Variants in ANKRD30A observed in about 807,000 individuals in gnomAD.
ANKRD30A encodes the protein ankyrin repeat domain 30A.
ANKRD30A carries 170 observed loss-of-function variants against 166.3 expected under a neutral mutation model. The observed-to-expected ratio is 1.02, with a 90% CI of 0.90 to 1.16. ANKRD30A has a LOEUF of 1.16. Ranked by LOEUF, ANKRD30A falls within the 50% of genes most tolerant of loss-of-function variation. The pLI is 0.00. For missense variants in ANKRD30A, 1,630 were observed against 1,518.0 expected (o/e 1.07, Z -1.23); for synonymous variants, 564 against 508.9 (o/e 1.11, Z -1.46).
At chr10:37,166,352 A>T (rs1206615282) in intron 18 of ANKRD30A, among the ~76,000 whole-genome samples, 1 of 152,166 alleles carries the variant, frequency 6.6e-6, no homozygotes, top group African/African-American at 2.4e-5. Flanking sequence ...TTTTTTTGTG[A>T]AGGTGATTTG....
chr10:37,126,079 CG>C, intron 1 of ANKRD30A, 71 bp downstream of exon 1: 1 of 1,472,080 alleles, frequency 6.8e-7, no homozygotes, highest in Non-Finnish European at 9.4e-7. Flanking sequence ...CCTTCAGAGT[CG>C]GGGGCTGGGG....
At chr10:37,132,813 C>T (rs184659160) in intron 4 of ANKRD30A, among the ~76,000 whole-genome samples, 1 of 152,096 alleles carries the variant, frequency 6.6e-6, no homozygotes, top group Non-Finnish European at 1.5e-5. Flanking sequence ...GCCTAACCAA[C>T]ATGGTGAAAC....
At chr10:37,154,275 C>T (rs190042007) in intron 13 of ANKRD30A, among the ~76,000 whole-genome samples, 126 of 152,228 alleles carry the variant, frequency 8.3e-4, no homozygotes, top group Non-Finnish European at 2.1e-4. Flanking sequence ...TCCGTATAGA[C>T]CAGAAGTTTT....
Position 37,184,060 on chromosome 10 carries a change from C to T in ANKRD30A, c.2422-5407C>T, listed in dbSNP as rs1257394390. 5.9e-5 allele frequency among the ~76,000 whole-genome samples: 9 copies of T among 151,634 alleles called. No homozygotes were observed. In the East Asian group the frequency reaches 1.5e-3, roughly 26 times the overall value. On this transcript the variant is annotated intron_variant, in intron 24 of 35. Coordinates refer to ENST00000361713, the MANE Select transcript of ANKRD30A (RefSeq NM_052997.3). The stretch of plus-strand genomic sequence containing the variant: ...CTCAGGCGATGCTGCTGCTGGTGGT[C>T]CTTGGAGCTTGGTCTGAGTAGCAAA...
chr10:37,234,926 T>A (rs1267899023), downstream of ANKRD30A, among the ~76,000 whole-genome samples: 1 of 152,182 alleles, frequency 6.6e-6, no homozygotes, highest in Non-Finnish European at 1.5e-5. Flanking sequence ...CATTGTGTCA[T>A]ATCAGAATGT....
At chr10:37,224,330 C>T (rs561625853) in intron 34 of ANKRD30A, among the ~76,000 whole-genome samples, 39 of 150,844 alleles carry the variant, frequency 2.6e-4, no homozygotes, top group African/African-American at 7.0e-4. Flanking sequence ...TCTTGATTAA[C>T]GTTTCTTTTA....
chr10:37,201,575 TAAG>T (rs1841630510), intron 31 of ANKRD30A, among the ~76,000 whole-genome samples: 1 of 151,434 alleles, frequency 6.6e-6, no homozygotes, highest in Admixed American at 6.6e-5. Context: ...AATGAGAAAA[TAAG>T]AAAGAAGAAA....
chr10:37,208,057 T>G (rs1388185453), intron 31 of ANKRD30A, among the ~76,000 whole-genome samples: 2 of 152,098 alleles, frequency 1.3e-5, no homozygotes, highest in Non-Finnish European at 2.9e-5. Flanking sequence ...GACAAGAGAC[T>G]GCTTTTTAGA....
chr10:37,203,329 A>G (rs1021685464), intron 31 of ANKRD30A, among the ~76,000 whole-genome samples: 1 of 152,246 alleles, frequency 6.6e-6, no homozygotes, highest in Non-Finnish European at 1.5e-5. Context: ...GGCTGGTTCA[A>G]GATATGCAAA....
At chr10:37,208,959 G>A (rs113681931) in intron 31 of ANKRD30A, among the ~76,000 whole-genome samples, 1 of 152,226 alleles carries the variant, frequency 6.6e-6, no homozygotes, top group Non-Finnish European at 1.5e-5. Flanking sequence ...TCTGGATAAT[G>A]TCATTTTTAG....
At chr10:37,257,149 C>T in the ANKRD30A span, among the ~76,000 whole-genome samples, 21 of 151,642 alleles carry the variant, frequency 1.4e-4, no homozygotes, top group Non-Finnish European at 2.5e-4. Flanking sequence ...AGGAATTTAT[C>T]CATTTCTTCT....
chr10:37,265,299 T>C, the ANKRD30A span, among the ~76,000 whole-genome samples: 1 of 152,196 alleles, frequency 6.6e-6, no homozygotes, highest in Non-Finnish European at 1.5e-5. Context: ...TTGTGGTCCA[T>C]GCCTCCTCAA....
Position 37,216,345 on chromosome 10 carries a change from CAGTT to C in ANKRD30A, c.3037_3040del (p.Leu1013ArgfsTer14), listed in dbSNP as rs766666183. The stretch of plus-strand genomic sequence containing the variant: ...GTCAGAAGCAAAAGAAATAAAATCA[CAGTT>C]AGAGAACCAAAAAGTTAAATGGGAA... On this transcript the variant is annotated frameshift_variant, in exon 32 of 36. Coordinates refer to ENST00000361713, the MANE Select transcript of ANKRD30A (RefSeq NM_052997.3). LOFTEE classifies it high-confidence loss of function. 8 of 1,607,684 alleles carry C rather than the reference CAGTT, an allele frequency of 5.0e-6. No homozygotes were observed. The highest frequency in any genetic ancestry group is 6.8e-6 in the Non-Finnish European group (8 of 1,176,188).
At chr10:37,243,134 A>ATTT in the ANKRD30A span, among the ~76,000 whole-genome samples, 3 of 136,768 alleles carry the variant, frequency 2.2e-5, no homozygotes, top group Non-Finnish European at 3.2e-5. Context: ...TAATTTCCAA[A>ATTT]TTTTTTTTTT....
At chr10:37,221,308 C>T (rs1031775468) in intron 34 of ANKRD30A, among the ~76,000 whole-genome samples, 4 of 151,128 alleles carry the variant, frequency 2.6e-5, no homozygotes, top group Non-Finnish European at 4.4e-5. Flanking sequence ...AAATCAATAA[C>T]AAACATGTCT....
At chr10:37,216,526 ATTCT>A in intron 32 of ANKRD30A, 132 bp downstream of exon 32, 2 of 773,408 alleles carry the variant, frequency 2.6e-6, no homozygotes, top group Non-Finnish European at 3.9e-6. Flanking sequence ...AGAGTGTCAA[ATTCT>A]TTAAATAATA....
At chr10:37,230,387 C>T (rs1323797695) in intron 34 of ANKRD30A, among the ~76,000 whole-genome samples, 3 of 151,896 alleles carry the variant, frequency 2.0e-5, no homozygotes, top group Non-Finnish European at 4.4e-5. Context: ...ATGAACTGAC[C>T]TTCAAAGTGT....
chr10:37,199,862 T>G (rs1841481524), intron 30 of ANKRD30A, 74 bp downstream of exon 30: 1 of 917,498 alleles, frequency 1.1e-6, no homozygotes, highest in Admixed American at 2.6e-5. Flanking sequence ...TGCTTAGACT[T>G]TATTTTCTCA....
At chr10:37,183,403 A>G (rs1840168021) in intron 24 of ANKRD30A, among the ~76,000 whole-genome samples, 1 of 146,188 alleles carries the variant, frequency 6.8e-6, no homozygotes, top group East Asian at 2.0e-4. Flanking sequence ...TAGAACAAGA[A>G]TTTTCAAAAA....
Sources: allele counts gnomAD v4.1 joint callset (sites outside exome capture counted in the v4.1 genomes callset), GRCh38; gene constraint gnomAD v4.1.1; transcripts MANE v1.5; gene names NCBI Gene and HGNC (gene_info 2026-07-23, HGNC 2026-07-21).